The following HTR5A variants were observed in gnomAD, a reference collection of about 807,000 sequenced individuals.
HTR5A encodes the protein 5-HT-5.
Under a neutral mutation model 24.3 loss-of-function variants are expected in HTR5A, and 21 were observed. The observed-to-expected ratio is 0.86, with a 90% CI of 0.61 to 1.24. HTR5A has a LOEUF of 1.24. Ranked by LOEUF, HTR5A falls within the 50% of genes most tolerant of loss-of-function variation. The pLI is 0.00. For synonymous variants in HTR5A, 260 were observed against 213.7 expected (o/e 1.22, Z -1.89); for missense variants, 497 against 489.5 (o/e 1.02, Z -0.15).
rs1554519539 is a variant in HTR5A, at chr7:155,073,320, C to CAGAAAAA, written c.741+1681_741+1682insGAAAAAA. Among the ~76,000 whole-genome samples the CAGAAAAA allele has an allele frequency of 2.1e-3, 14 of 6,706 alleles. 1 individual carries two copies. The East Asian group carries it at 0.11, about 51-fold the overall frequency. The allele number at this position is 6,706 out of a possible 152,430, so 4.4% of individuals were successfully genotyped here. A position where few individuals can be genotyped will look rare whatever the true frequency, so the allele number is the denominator to read the frequency against. On this transcript the variant is annotated intron_variant, in intron 1 of 1. Coordinates refer to ENST00000287907, the MANE Select transcript of HTR5A (RefSeq NM_024012.4). ...TGGGCGACAGAGTGAGACTCTGTCTCAAGAAAAAAAAAAAAAAGAATTGAG... is the reference window on the plus strand; with the variant it reads ...TGGGCGACAGAGTGAGACTCTGTCTCAGAAAAAAAGAAAAAAAAAAAAAAGAATTGAG...
At position 155,084,498 on chromosome 7, in the gene HTR5A, CA is replaced by C; in HGVS notation, c.*12del. ...TCTAGGCAACACTGAGGGAGAGGAC[CA>C]GGATTGAAAAAAGTTTCTTCCCATA... On this transcript the variant is annotated 3_prime_UTR_variant, in exon 2 of 2. Coordinates refer to ENST00000287907, the MANE Select transcript of HTR5A (RefSeq NM_024012.4). The C allele has an allele frequency of 6.3e-7, 1 of 1,582,802 alleles. No individual in the cohort carries two copies. Among genetic ancestry groups the C allele is most frequent in the Non-Finnish European group, 8.6e-7 (1 of 1,163,558 alleles).
Position 155,071,336 on chromosome 7 carries a change from AC to A in HTR5A, c.438del (p.His146GlnfsTer16). ...GACCGCTACTGGTCCATCACGCGCCACATGGAATACACGCTCCGCACCCGCA... is the reference window on the plus strand; with the variant it reads ...GACCGCTACTGGTCCATCACGCGCCAATGGAATACACGCTCCGCACCCGCA... The part of the protein sequence containing the change: ...ALDRYWSITR[H>X]MEYTLRTRKC... On this transcript the variant is annotated frameshift_variant, in exon 1 of 2. Transcript: ENST00000287907. LOFTEE classifies it high-confidence loss of function. 6.2e-7 allele frequency: 1 copy of A among 1,613,172 alleles called. No individual in the cohort carries two copies. Among genetic ancestry groups the A allele is most frequent in the Non-Finnish European group, 8.5e-7 (1 of 1,180,018 alleles).
intron 1 of HTR5A, among the ~76,000 whole-genome samples, chr7:155,074,107 G>A (rs577875316): frequency 6.6e-6 from 1 of 151,822 alleles, no homozygotes; most frequent in African/African-American, 2.4e-5. Flanking sequence ...AATGGGAGTG[G>A]GTGTCAAAGT....
intron 1 of HTR5A, chr7:155,077,167 A>C (rs1202168077): frequency 1.3e-5 from 2 of 152,232 alleles, no homozygotes; most frequent in African/African-American, 4.8e-5. Context: ...ACGTCAGATC[A>C]GGTATAATCT....
rs893760958 is a variant in HTR5A, at chr7:155,086,770, C to T, written c.*2283C>T. ...ATGTAGACATTCATTGACTTTGAGT[C>T]TCTACTATGCAAATCAAATATTTGT... On this transcript the variant is annotated 3_prime_UTR_variant, in exon 2 of 2. Transcript: ENST00000287907. Among the ~76,000 whole-genome samples the T allele has an allele frequency of 6.6e-6, 1 of 152,188 alleles. No homozygotes were observed. The highest frequency in any genetic ancestry group is 2.1e-4 in the South Asian group (1 of 4,830).
Position 155,071,191 on chromosome 7 carries a change from C to T in HTR5A, c.292C>T (p.Leu98=), listed in dbSNP as rs770527074. ...LVAALVMPLS[L]VHELSGRRWQ... ...GGCCGCGCTGGTCATGCCGCTGAGC[C>T]TGGTGCACGAGCTGTCCGGGCGCCG... is the stretch of plus-strand genomic sequence containing the variant. Residue 98 remains leucine (L), a synonymous_variant, in exon 1 of 2, where the codon CTG becomes TTG. Transcript: ENST00000287907. 6.2e-7 allele frequency: 1 copy of T among 1,602,872 alleles called. No homozygotes were observed. Among genetic ancestry groups the T allele is most frequent in the African/African-American group, 1.3e-5 (1 of 75,060 alleles).
At chr7:155,082,294 T>C (rs111815569) in intron 1 of HTR5A, among the ~76,000 whole-genome samples, 2 of 151,632 alleles carry the variant, frequency 1.3e-5, no homozygotes, top group Admixed American at 6.6e-5. Flanking sequence ...GTGTTACCAG[T>C]GTTACCAGCA....
Position 155,071,491 on chromosome 7 carries a change from C to G in HTR5A, c.592C>G (p.Pro198Ala), listed in dbSNP as rs750837414. Reference protein sequence around the residue: ...GSEECQVSREPSYAVFSTVGA... With the variant: ...GSEECQVSREASYAVFSTVGA... Reference sequence around the variant, plus strand: ...CGAGGAGTGCCAGGTAAGCCGCGAGCCTTCCTACGCCGTGTTCTCCACCGT... The same window carrying G: ...CGAGGAGTGCCAGGTAAGCCGCGAGGCTTCCTACGCCGTGTTCTCCACCGT... Residue 198 changes from proline (P) to alanine (A), a missense_variant, in exon 1 of 2, where the codon CCT becomes GCT. Transcript: ENST00000287907. The G allele has an allele frequency of 6.2e-7, 1 of 1,614,158 alleles. No individual in the cohort carries two copies. Among genetic ancestry groups the G allele is most frequent in the Non-Finnish European group, 8.5e-7 (1 of 1,180,040 alleles).
At chr7:155,072,380 A>G (rs994256196) in intron 1 of HTR5A, among the ~76,000 whole-genome samples, 5 of 152,134 alleles carry the variant, frequency 3.3e-5, no homozygotes, top group African/African-American at 1.2e-4. Flanking sequence ...CCTGAACATG[A>G]GTAAAGCTGC....
intron 1 of HTR5A, among the ~76,000 whole-genome samples, chr7:155,072,323 C>T (rs912105531): frequency 6.6e-6 from 1 of 152,188 alleles, no homozygotes; most frequent in Non-Finnish European, 1.5e-5. Flanking sequence ...CTATCCCCCA[C>T]AGCCCTATTA....
At position 155,085,897 on chromosome 7, in the gene HTR5A, G is replaced by A. The variant is rs1242858518; in HGVS notation, c.*1410G>A. 1 of 152,186 alleles carries A rather than the reference G, an allele frequency of 6.6e-6. No individual in the cohort carries two copies. The highest frequency in any genetic ancestry group is 2.4e-5 in the African/African-American group (1 of 41,438). The allele number at this position is 152,186 out of a possible 1,614,324, so 9.4% of individuals were successfully genotyped here. A position where few individuals can be genotyped will look rare whatever the true frequency, so the allele number is the denominator to read the frequency against. ...CAAAGACTAGCTTTATCAAAAGAATGTGAGCAGATAAAGAAATGTTAGACA... is the reference window on the plus strand; with the variant it reads ...CAAAGACTAGCTTTATCAAAAGAATATGAGCAGATAAAGAAATGTTAGACA... On this transcript the variant is annotated 3_prime_UTR_variant, in exon 2 of 2. Transcript: ENST00000287907.
At position 155,084,678 on chromosome 7, in the gene HTR5A, G is replaced by A; in HGVS notation, c.*191G>A. 3.5e-6 allele frequency: 2 copies of A among 574,980 alleles called. No individual in the cohort carries two copies. The highest frequency in any genetic ancestry group is 4.5e-5 in the South Asian group (2 of 44,346). The allele number at this position is 574,980 out of a possible 1,614,324, so 35.6% of individuals were successfully genotyped here. ...GAATATGACTCCTCATAGAGTTACGGTGACATGATGTATCTAACTTATCTA... is the reference window on the plus strand; with the variant it reads ...GAATATGACTCCTCATAGAGTTACGATGACATGATGTATCTAACTTATCTA... On this transcript the variant is annotated 3_prime_UTR_variant, in exon 2 of 2. Coordinates refer to ENST00000287907, the MANE Select transcript of HTR5A (RefSeq NM_024012.4).
At chr7:155,075,440 C>T (rs1034826120) in intron 1 of HTR5A, among the ~76,000 whole-genome samples, 1 of 152,150 alleles carries the variant, frequency 6.6e-6, no homozygotes, top group African/African-American at 2.4e-5. Flanking sequence ...GAAGGACTAC[C>T]AGATAAACAA....
rs1795281838 is a variant in HTR5A, at chr7:155,070,907, T to C, written c.8T>C (p.Leu3Ser). The stretch of plus-strand genomic sequence containing the variant: ...CGGTCTCCTGACCCAGAGATGGATT[T>C]ACCTGTGAACCTAACCTCCTTTTCC... MD[L>S]PVNLTSFSLS... Residue 3 changes from leucine (L) to serine (S), a missense_variant, in exon 1 of 2, where the codon TTA becomes TCA. Leu to Ser is a moderately radical substitution (Grantham distance 145). Transcript: ENST00000287907. The C allele has an allele frequency of 6.3e-6, 10 of 1,599,898 alleles. No individual in the cohort carries two copies. The highest frequency in any genetic ancestry group is 8.5e-6 in the Non-Finnish European group (10 of 1,178,004).
Position 155,071,086 on chromosome 7 carries a change from G to T in HTR5A, c.187G>T (p.Ala63Ser). 1 of 1,608,296 alleles carries T rather than the reference G, an allele frequency of 6.2e-7. No homozygotes were observed. The change falls in exon 1 of 2, where the codon GCG (alanine) becomes TCG (serine). Residue 63 changes from alanine to serine, a missense_variant. Physicochemically the swap from Ala to Ser is moderately conservative, Grantham distance 99. Transcript: ENST00000287907. ...GTTCGCCTGGAACCTGCTGGTGCTG[G>T]CGACCATCCTCCGTGTACGCACCTT... is the stretch of plus-strand genomic sequence containing the variant. Reference protein sequence around the residue: ...ATFAWNLLVLATILRVRTFHR... With the variant: ...ATFAWNLLVLSTILRVRTFHR...
Position 155,071,262 on chromosome 7 carries a change from C to T in HTR5A, c.363C>T (p.Asp121=), listed in dbSNP as rs778025705. 4 of 1,606,540 alleles carry T rather than the reference C, an allele frequency of 2.5e-6. No homozygotes were observed. The highest frequency in any genetic ancestry group is 3.3e-5 in the Admixed American group (2 of 60,024). Reference sequence around the variant, plus strand: ...TGTGCCAGCTTTGGATCGCGTGCGACGTGCTTTGCTGCACGGCCAGCATCT... The same window carrying T: ...TGTGCCAGCTTTGGATCGCGTGCGATGTGCTTTGCTGCACGGCCAGCATCT... ...RRLCQLWIAC[D]VLCCTASIWN... is the part of the protein sequence containing the mutation. Residue 121 remains aspartate (D), a synonymous_variant, in exon 1 of 2, where the codon GAC becomes GAT. Transcript: ENST00000287907.
intron 1 of HTR5A, among the ~76,000 whole-genome samples, chr7:155,072,958 G>A (rs1225366221): frequency 1.3e-5 from 2 of 152,132 alleles, no homozygotes; most frequent in African/African-American, 4.8e-5. Context: ...ACCTATATCA[G>A]CATTTCTCAG....
chr7:155,070,516 C>T lies in HTR5A; in HGVS notation c.-384C>T, dbSNP rs998302512. ...AGCGACTGCTCTGACGCACCAGCCC[C>T]TCTCCTGCACCCACACGCTGCTGGC... On this transcript the variant is annotated 5_prime_UTR_variant, in exon 1 of 2. Coordinates refer to ENST00000287907, the MANE Select transcript of HTR5A (RefSeq NM_024012.4). The T allele has an allele frequency of 5.5e-6, 2 of 364,150 alleles. No individual in the cohort carries two copies. Among genetic ancestry groups the T allele is most frequent in the Non-Finnish European group, 1.1e-5 (2 of 187,864 alleles). The allele number at this position is 364,150 out of a possible 1,614,324, so 22.6% of individuals were successfully genotyped here. A position where few individuals can be genotyped will look rare whatever the true frequency, so the allele number is the denominator to read the frequency against.
chr7:155,071,204 T>G lies in HTR5A; in HGVS notation c.305T>G (p.Leu102Arg), dbSNP rs1288041334. The stretch of plus-strand genomic sequence containing the variant: ...ATGCCGCTGAGCCTGGTGCACGAGC[T>G]GTCCGGGCGCCGCTGGCAGCTAGGT... ...LVMPLSLVHELSGRRWQLGRR... is the reference protein window; with the variant it reads ...LVMPLSLVHERSGRRWQLGRR... The change falls in exon 1 of 2, where the codon CTG becomes CGG. Residue 102 changes from leucine to arginine, a missense_variant. Leu to Arg is a moderately radical substitution (Grantham distance 102, BLOSUM62 -2). Transcript: ENST00000287907. The G allele has an allele frequency of 6.2e-7, 1 of 1,602,918 alleles. No individual in the cohort carries two copies. The highest frequency in any genetic ancestry group is 1.7e-5 in the Admixed American group (1 of 60,002).
Sources: gnomAD v4.1 joint callset for allele counts (sites outside exome capture counted in the v4.1 genomes callset) on GRCh38, gnomAD v4.1.1 for gene constraint, MANE v1.5 for transcripts, NCBI Gene and HGNC (gene_info 2026-07-23, HGNC 2026-07-21) for gene names.